Variants in SNTG1 observed in about 807,000 individuals in gnomAD.
The protein encoded by SNTG1 is syntrophin gamma 1.
SNTG1 carries 39 observed loss-of-function variants against 74.7 expected under a neutral mutation model. That is an observed-to-expected ratio of 0.52 (90% CI 0.40 to 0.68). The LOEUF (loss-of-function observed/expected upper bound fraction) is 0.68. SNTG1 is among the 30% of genes least tolerant of loss of function. The pLI is 0.00. For missense variants in SNTG1, 685 were observed against 609.5 expected, an observed-to-expected ratio of 1.12 and a Z score of -1.30; for synonymous variants, 254 against 217.1, an observed-to-expected ratio of 1.17 and a Z score of -1.49.
chr8:50,177,500 T>C (rs2131689679), intron 2 of SNTG1, among the ~76,000 whole-genome samples: 1 of 152,074 alleles, frequency 6.6e-6, no homozygotes, highest in Middle Eastern at 3.4e-3. Context: ...GGAGGAGGAG[T>C]TACAGCTGTA....
At chr8:49,935,742 G>T (rs1808025865) in intron 1 of SNTG1, among the ~76,000 whole-genome samples, 1 of 152,072 alleles carries the variant, frequency 6.6e-6, no homozygotes, top group Non-Finnish European at 1.5e-5. Flanking sequence ...CCCAGTGTTG[G>T]AAGCCAGATT....
intron 1 of SNTG1, among the ~76,000 whole-genome samples, chr8:49,986,426 T>A (rs2130233728): frequency 6.6e-6 from 1 of 152,306 alleles, no homozygotes; most frequent in South Asian, 2.1e-4. Flanking sequence ...GCTGGAGGTA[T>A]CACACCAGGC....
intron 2 of SNTG1, among the ~76,000 whole-genome samples, chr8:50,287,054 A>G (rs964424669): frequency 6.6e-6 from 1 of 151,992 alleles, no homozygotes; most frequent in Non-Finnish European, 1.5e-5. Context: ...GTGCTGACCA[A>G]CCTGACTGTT....
chr8:50,576,929 A>G (rs1036836687), intron 12 of SNTG1, among the ~76,000 whole-genome samples: 2 of 151,926 alleles, frequency 1.3e-5, no homozygotes, highest in Non-Finnish European at 2.9e-5. Context: ...TTCCTTTTCA[A>G]TTCTTTCTTA....
chr8:50,467,560 A>G (rs897319466), intron 8 of SNTG1, among the ~76,000 whole-genome samples: 1 of 149,198 alleles, frequency 6.7e-6, no homozygotes, highest in African/African-American at 2.5e-5. Context: ...GCAATTTCTC[A>G]TTTTCTTTAT....
At chr8:50,756,766 T>C (rs7009255) in intron 18 of SNTG1, among the ~76,000 whole-genome samples, 27,113 of 151,686 alleles carry the variant, frequency 0.18, 3,757 homozygotes, top group African/African-American at 0.39. Flanking sequence ...TTTGCCTCTC[T>C]CTATATATTT....
In SNTG1 at chr8:49,996,612, G is replaced by T. The variant is rs188766940; in HGVS notation, c.-103+84381G>T. Reference sequence around the variant, plus strand: ...CTACACATTAAAATAAATTTTATTTGAATAAATGACCAATTGCCAGTCCAA... The same window carrying T: ...CTACACATTAAAATAAATTTTATTTTAATAAATGACCAATTGCCAGTCCAA... On this transcript the variant is annotated intron_variant, in intron 1 of 18. Coordinates refer to ENST00000642720, the MANE Select transcript of SNTG1 (RefSeq NM_018967.5). Among the ~76,000 whole-genome samples the T allele has an allele frequency of 1.9e-4, 29 of 152,072 alleles. 1 individual carries two copies. The highest frequency in any genetic ancestry group is 1.7e-3 in the Admixed American group (26 of 15,270).
intron 8 of SNTG1, among the ~76,000 whole-genome samples, chr8:50,471,172 G>A (rs900783377): frequency 6.6e-6 from 1 of 151,820 alleles, no homozygotes; most frequent in South Asian, 2.1e-4. Context: ...CTCAACATCA[G>A]TGCCACAGCA....
chr8:49,948,529 G>A (rs996436432), intron 1 of SNTG1, among the ~76,000 whole-genome samples: 5 of 152,288 alleles, frequency 3.3e-5, no homozygotes, highest in Non-Finnish European at 4.4e-5. Flanking sequence ...TTTGAATGTT[G>A]TAGTCACTGA....
intron 17 of SNTG1, among the ~76,000 whole-genome samples, chr8:50,746,836 TA>T (rs2095556125): frequency 1.4e-5 from 2 of 147,698 alleles, no homozygotes; most frequent in African/African-American, 4.9e-5. Context: ...TAAATATATA[TA>T]ATATATAATA....
intron 2 of SNTG1, among the ~76,000 whole-genome samples, chr8:50,376,758 G>T (rs60037517): frequency 0.026 from 2,301 of 88,662 alleles, 41 homozygotes; most frequent in African/African-American, 0.08. Flanking sequence ...TATATATATA[G>T]AGAGAGAGAG....
intron 9 of SNTG1, among the ~76,000 whole-genome samples, chr8:50,515,680 T>C (rs980059840): frequency 6.6e-6 from 1 of 152,082 alleles, no homozygotes; most frequent in African/African-American, 2.4e-5. Flanking sequence ...GTAAACAAAG[T>C]TGCTGGGAAC....
chr8:49,951,362 T>G (rs1023189043), intron 1 of SNTG1, among the ~76,000 whole-genome samples: 1 of 152,142 alleles, frequency 6.6e-6, no homozygotes, highest in Non-Finnish European at 1.5e-5. Flanking sequence ...CTCACAAATC[T>G]TGAGAGACAA....
At chr8:50,381,085 G>A (rs1230204280) in intron 2 of SNTG1, 1 of 152,052 alleles carries the variant, frequency 6.6e-6, no homozygotes, top group African/African-American at 2.4e-5. Flanking sequence ...TGAGGTAGGG[G>A]ACATTCATAT....
At chr8:49,921,698 G>C (rs1381064601) in intron 1 of SNTG1, among the ~76,000 whole-genome samples, 1 of 152,060 alleles carries the variant, frequency 6.6e-6, no homozygotes. Context: ...CTAGTGATTG[G>C]AATTATAAAT....
At chr8:50,024,706 A>G (rs1817111751) in intron 1 of SNTG1, among the ~76,000 whole-genome samples, 1 of 152,182 alleles carries the variant, frequency 6.6e-6, no homozygotes, top group African/African-American at 2.4e-5. Flanking sequence ...TTAAAACAGT[A>G]TACTATAATA....
At chr8:50,673,311 A>T (rs1253102126) in intron 15 of SNTG1, among the ~76,000 whole-genome samples, 2 of 152,084 alleles carry the variant, frequency 1.3e-5, no homozygotes, top group Non-Finnish European at 2.9e-5. Context: ...ATCCATGAGG[A>T]TGGAATATTT....
At chr8:50,340,571 A>G (rs1028243330) in intron 2 of SNTG1, among the ~76,000 whole-genome samples, 1 of 151,974 alleles carries the variant, frequency 6.6e-6, no homozygotes, top group Non-Finnish European at 1.5e-5. Flanking sequence ...ATAAATTCAA[A>G]CTGAATCACA....
At chr8:50,283,486 ACACT>A (rs1433832300) in intron 2 of SNTG1, among the ~76,000 whole-genome samples, 3 of 152,344 alleles carry the variant, frequency 2.0e-5, no homozygotes, top group Admixed American at 2.0e-4. Context: ...AATGCAATTG[ACACT>A]CATCAGTATA....
Sources: gnomAD v4.1 joint callset for allele counts (sites outside exome capture counted in the v4.1 genomes callset) on GRCh38, gnomAD v4.1.1 for gene constraint, MANE v1.5 for transcripts, NCBI Gene and HGNC (gene_info 2026-07-23, HGNC 2026-07-21) for gene names.